The following ALG1L2 variants were observed in gnomAD, a reference collection of about 807,000 sequenced individuals.
ALG1L2 encodes the protein putative glycosyltransferase ALG1L2.
In ALG1L2, 32 loss-of-function variants were observed where a neutral mutation model predicts 29.0. The observed-to-expected ratio is 1.10, with a 90% CI of 0.83 to 1.48. The LOEUF is 1.48. Ranked by LOEUF, ALG1L2 falls within the 40% of genes most tolerant of loss-of-function variation. The probability of loss-of-function intolerance (pLI) is 0.00; values close to 1 mark genes in which losing one functional copy is unlikely to be tolerated. For synonymous variants in ALG1L2, 110 were observed against 109.5 expected, an observed-to-expected ratio of 1.00 and a Z score of -0.03; for missense variants, 318 against 274.1, an observed-to-expected ratio of 1.16 and a Z score of -1.13.
rs183835858 is a variant in ALG1L2 at position 130,093,163 on chromosome 3, A to T, written c.313+3A>T. 1.2e-4 allele frequency: 196 copies of T among 1,610,984 alleles called. 1 individual carries two copies. In the African/African-American group the frequency reaches 2.2e-3, roughly 18 times the overall value. On this transcript the variant is annotated splice_donor_region_variant and intron_variant, in intron 4 of 7. Coordinates refer to ENST00000425059, the MANE Select transcript of ALG1L2 (RefSeq NM_001136152.1). ...TTCTCTCGTCTGTGTGATAACAGGTACTGCCTGGGACCCTGGGTGTCTGTT... is the reference window on the plus strand; with the variant it reads ...TTCTCTCGTCTGTGTGATAACAGGTTCTGCCTGGGACCCTGGGTGTCTGTT...
intron 1 of ALG1L2, among the ~76,000 whole-genome samples, chr3:130,085,781 G>A (rs1217509023): frequency 2.1e-4 from 32 of 149,190 alleles, no homozygotes; most frequent in Middle Eastern, 3.6e-3. Flanking sequence ...TTCTTCAAAG[G>A]TATGAGGCAG....
chr3:130,092,527 C>T (rs1935039983), intron 3 of ALG1L2, among the ~76,000 whole-genome samples: 1 of 152,132 alleles, frequency 6.6e-6, no homozygotes, highest in African/African-American at 2.4e-5. Flanking sequence ...GCAGCATGTT[C>T]CTGTCCTGGG....
At chr3:130,088,309 C>A (rs368723724) in intron 1 of ALG1L2, among the ~76,000 whole-genome samples, 3 of 152,426 alleles carry the variant, frequency 2.0e-5, no homozygotes, top group East Asian at 1.9e-4. Context: ...ATTGTAGTTC[C>A]CATAATCACC....
chr3:130,092,187 G>T lies in ALG1L2; in HGVS notation c.218G>T (p.Arg73Leu). 6.2e-7 allele frequency: 1 copy of T among 1,612,140 alleles called. No individual in the cohort carries two copies. Among genetic ancestry groups the T allele is most frequent in the Non-Finnish European group, 8.5e-7 (1 of 1,179,516 alleles). Residue 73 changes from arginine to leucine, a missense_variant, in exon 3 of 8, where the codon CGG becomes CTG. Arg to Leu is a moderately radical substitution (Grantham distance 102, BLOSUM62 -2). Coordinates refer to ENST00000425059, the MANE Select transcript of ALG1L2 (RefSeq NM_001136152.1). ...GSGLVTRLHERPALLVSSTSW... is the reference protein window; with the variant it reads ...GSGLVTRLHELPALLVSSTSW... The stretch of plus-strand genomic sequence containing the variant: ...GGGCTGGTGACGCGTCTCCACGAGC[G>T]GCCAGCCCTGCTGGTCAGCAGCACA...
intron 6 of ALG1L2, 25 bp downstream of exon 6, chr3:130,096,188 C>T (rs774402975): frequency 1.2e-6 from 2 of 1,608,968 alleles, no homozygotes; most frequent in Middle Eastern, 2.3e-4. Flanking sequence ...CGAATTTTTT[C>T]TGGGGATAGC....
rs991494390 is a variant in ALG1L2 at position 130,094,651 on chromosome 3, G to A, written c.424+138G>A. The A allele has an allele frequency of 1.2e-5, 12 of 1,019,658 alleles. No individual in the cohort carries two copies. In the African/African-American group the frequency reaches 1.3e-4, roughly 11 times the overall value. 63.2% of individuals were successfully genotyped at this position (1,019,658 alleles called of 1,614,324 possible). The stretch of plus-strand genomic sequence containing the variant: ...GGACCTGGGCTCTAGCTGAACTCCC[G>A]GGAGAAGGCTACTTCCTGGTGTGCC... On this transcript the variant is annotated intron_variant, in intron 5 of 7. Coordinates refer to ENST00000425059, the MANE Select transcript of ALG1L2 (RefSeq NM_001136152.1).
chr3:130,084,360 T>G (rs2108114049), intron 1 of ALG1L2, among the ~76,000 whole-genome samples: 1 of 147,702 alleles, frequency 6.8e-6, no homozygotes, highest in South Asian at 2.1e-4. Context: ...GAAGGCCTCA[T>G]AAAGGAGATG....
chr3:130,096,855 C>T lies in ALG1L2; in HGVS notation c.540-320C>T, dbSNP rs145792237. On this transcript the variant is annotated intron_variant, in intron 6 of 7. Coordinates refer to ENST00000425059, the MANE Select transcript of ALG1L2 (RefSeq NM_001136152.1). ...TGCTGAACCAGTCCCCAGGGGGTTG[C>T]CTTTACTTGTTCCTTGGCCATGGAA... Among the ~76,000 whole-genome samples, 43 of 152,268 alleles carry T rather than the reference C, an allele frequency of 2.8e-4. No homozygotes were observed. In the East Asian group the frequency reaches 6.0e-3, roughly 21 times the overall value.
In ALG1L2 at chr3:130,096,206, A is replaced by G. The variant is rs565619070; in HGVS notation, c.539+43A>G. The G allele has an allele frequency of 2.2e-4, 356 of 1,599,640 alleles. 1 individual carries two copies. The highest frequency in any genetic ancestry group is 2.5e-4 in the Non-Finnish European group (298 of 1,172,794). On this transcript the variant is annotated intron_variant, in intron 6 of 7. Transcript: ENST00000425059. ...ATTTTTTCTGGGGATAGCTTCACAG[A>G]TCCACCGCTGAGGGGGAAGCAGTGC...
chr3:130,094,206 G>T lies in ALG1L2; in HGVS notation c.314-197G>T. On this transcript the variant is annotated intron_variant, in intron 4 of 7. Transcript: ENST00000425059. ...GCAGGTGCAGGGCTATGCATCAGGG[G>T]TCAGGGTGCACATACCCCTGCAGGT... The T allele has an allele frequency of 6.2e-6, 4 of 640,884 alleles. No individual in the cohort carries two copies. The South Asian group carries it at 7.4e-5, about 12-fold the overall frequency. 39.7% of individuals were successfully genotyped at this position (640,884 alleles called of 1,614,324 possible).
At chr3:130,098,112 A>G in intron 7 of ALG1L2, 111 bp from the exon 8 acceptor site, 1 of 1,421,648 alleles carries the variant, frequency 7.0e-7, no homozygotes, top group Admixed American at 1.9e-5. Flanking sequence ...AGTCCAAGTG[A>G]GGGAGCTAGG....
rs1935158747 is a variant in ALG1L2, at chr3:130,097,193, A to T, written c.558A>T (p.Lys186Asn). Residue 186 changes from lysine to asparagine, a missense_variant, in exon 7 of 8, where the codon AAA becomes AAT. Lys to Asn is a moderately conservative substitution (Grantham distance 94). Transcript: ENST00000425059. The stretch of plus-strand genomic sequence containing the variant: ...TCTGCAGTTTACATGAGCTGGTGAA[A>T]CATGAAGAAAACCGCCTGGTCTTTG... ...VNFKCLHELVKHEENRLVFED... is the reference protein window; with the variant it reads ...VNFKCLHELVNHEENRLVFED... 1 of 1,611,814 alleles carries T rather than the reference A, an allele frequency of 6.2e-7. No individual in the cohort carries two copies. The highest frequency in any genetic ancestry group is 8.5e-7 in the Non-Finnish European group (1 of 1,179,866).
chr3:130,089,794 AT>A (rs1295195231), intron 1 of ALG1L2, among the ~76,000 whole-genome samples: 1 of 152,306 alleles, frequency 6.6e-6, no homozygotes, highest in Admixed American at 6.5e-5. Flanking sequence ...TAATCTCAGC[AT>A]TTTGGGAGGC....
At position 130,097,117 on chromosome 3, in the gene ALG1L2, C is replaced by T. The variant is rs998083527; in HGVS notation, c.540-58C>T. 5.6e-6 allele frequency: 9 copies of T among 1,601,458 alleles called. No individual in the cohort carries two copies. The African/African-American group carries it at 6.7e-5, about 12-fold the overall frequency. On this transcript the variant is annotated intron_variant, in intron 6 of 7. Transcript: ENST00000425059. ...GGTGGGTGGGAGCCCAGCTGGGCAC[C>T]CCAGGGGTCTAGTGTCTTCTCCAGG...
rs114865400 is a variant in ALG1L2 at position 130,092,130 on chromosome 3, G to C, written c.161G>C (p.Arg54Pro). The C allele has an allele frequency of 1.2e-5, 20 of 1,613,606 alleles. No homozygotes were observed. The highest frequency in any genetic ancestry group is 1.7e-5 in the Non-Finnish European group (20 of 1,179,834). ...GAACCTGAGGACCCAGACACAGAGC[G>C]GTCGGCCTTCACGGAGCGGGATTCT... ...RSEPEDPDTE[R>P]SAFTERDSGS... Residue 54 changes from arginine to proline, a missense_variant, in exon 3 of 8, where the codon CGG becomes CCG. By Grantham distance (103) the Arg-to-Pro change is moderately radical. Coordinates refer to ENST00000425059, the MANE Select transcript of ALG1L2 (RefSeq NM_001136152.1).
chr3:130,086,550 A>C (rs1470776353), intron 1 of ALG1L2, among the ~76,000 whole-genome samples: 20 of 148,842 alleles, frequency 1.3e-4, no homozygotes, highest in Admixed American at 1.1e-3. Context: ...AGTGGTGCAC[A>C]CCTGTAGTCC....
intron 1 of ALG1L2, among the ~76,000 whole-genome samples, chr3:130,087,368 G>GA (rs1934914118): frequency 6.8e-6 from 1 of 148,028 alleles, no homozygotes; most frequent in African/African-American, 2.4e-5. Flanking sequence ...GAAAGATAAA[G>GA]AAAAACTGAG....
chr3:130,086,138 TGA>T (rs1934886750), intron 1 of ALG1L2, among the ~76,000 whole-genome samples: 1 of 151,366 alleles, frequency 6.6e-6, no homozygotes, highest in Non-Finnish European at 1.5e-5. Context: ...AACCAACTTT[TGA>T]TCATTTATTA....
At chr3:130,087,873 G>T (rs1934925279) in intron 1 of ALG1L2, among the ~76,000 whole-genome samples, 1 of 75,680 alleles carries the variant, frequency 1.3e-5, no homozygotes, top group Non-Finnish European at 3.6e-5. Flanking sequence ...CCCCAACCCA[G>T]AGATTCATAG....
Sources: allele counts gnomAD v4.1 joint callset (sites outside exome capture counted in the v4.1 genomes callset), GRCh38; gene constraint gnomAD v4.1.1; transcripts MANE v1.5; gene names NCBI Gene and HGNC (gene_info 2026-07-23, HGNC 2026-07-21).